Variants in CDH20 observed in about 807,000 individuals in gnomAD.
CDH20 encodes the protein cadherin-20.
In CDH20, 29 loss-of-function variants were observed where a neutral mutation model predicts 74.2. The observed-to-expected ratio is 0.39, with a 90% CI of 0.29 to 0.53. The LOEUF (loss-of-function observed/expected upper bound fraction) is 0.53, where lower values mean the gene tolerates loss of function less well. CDH20 is among the 20% of genes least tolerant of loss of function. The pLI is 0.69. For missense variants in CDH20, 988 were observed against 1,048.3 expected, an observed-to-expected ratio of 0.94 and a Z score of 0.79; for synonymous variants, 469 against 405.4, an observed-to-expected ratio of 1.16 and a Z score of -1.88.
At chr18:61,385,597 TAC>T (rs74937230) in intron 1 of CDH20, among the ~76,000 whole-genome samples, 35,491 of 151,612 alleles carry the variant, frequency 0.23, 4,884 homozygotes, top group East Asian at 0.56. Context: ...AAAAAAACCT[TAC>T]CATAGTTATG....
At chr18:61,345,154 A>T (rs1372199797) in intron 1 of CDH20, among the ~76,000 whole-genome samples, 1 of 152,216 alleles carries the variant, frequency 6.6e-6, no homozygotes, top group Non-Finnish European at 1.5e-5. Context: ...TATTGAGCAA[A>T]AGATTTAAAA....
intron 1 of CDH20, among the ~76,000 whole-genome samples, chr18:61,458,042 C>G (rs558951851): frequency 6.8e-4 from 104 of 152,246 alleles, no homozygotes; most frequent in African/African-American, 2.1e-3. Context: ...ACAAACATGA[C>G]TGTCTTTCTG....
At chr18:61,511,078 T>C in intron 6 of CDH20, among the ~76,000 whole-genome samples, 1 of 107,888 alleles carries the variant, frequency 9.3e-6, no homozygotes, top group Admixed American at 1.3e-4. Flanking sequence ...CCTTGACCTC[T>C]TGGGCTCAAG....
At chr18:61,368,118 G>C (rs983441269) in intron 1 of CDH20, among the ~76,000 whole-genome samples, 3 of 152,022 alleles carry the variant, frequency 2.0e-5, no homozygotes, top group African/African-American at 7.2e-5. Context: ...CCCATAACAG[G>C]ACCCTTGTGA....
At chr18:61,467,290 C>T (rs1275518427) in intron 1 of CDH20, among the ~76,000 whole-genome samples, 1 of 152,102 alleles carries the variant, frequency 6.6e-6, no homozygotes, top group Non-Finnish European at 1.5e-5. Context: ...GCTTGTGAGG[C>T]CTAATTTGCC....
At chr18:61,442,958 A>AT (rs1909080799) in intron 1 of CDH20, among the ~76,000 whole-genome samples, 1 of 151,944 alleles carries the variant, frequency 6.6e-6, no homozygotes. Flanking sequence ...CTTACTAGTG[A>AT]TTTTGCTGTG....
intron 1 of CDH20, among the ~76,000 whole-genome samples, chr18:61,356,282 T>C (rs1910493880): frequency 6.6e-6 from 1 of 152,244 alleles, no homozygotes; most frequent in South Asian, 2.1e-4. Context: ...TTCTACCTTT[T>C]GTACTTTTAA....
chr18:61,493,387 A>AG (rs937943000), intron 2 of CDH20, among the ~76,000 whole-genome samples: 1 of 152,098 alleles, frequency 6.6e-6, no homozygotes, highest in African/African-American at 2.4e-5. Context: ...CTCTCCCTGA[A>AG]GCACCCTTTC....
At chr18:61,549,392 A>C (rs1376851757) in intron 10 of CDH20, among the ~76,000 whole-genome samples, 3 of 152,246 alleles carry the variant, frequency 2.0e-5, no homozygotes, top group Admixed American at 6.5e-5. Context: ...GTGTCATATG[A>C]TTAGGGGATT....
intron 1 of CDH20, among the ~76,000 whole-genome samples, chr18:61,397,715 C>G (rs966289250): frequency 1.3e-5 from 2 of 152,168 alleles, no homozygotes; most frequent in African/African-American, 4.8e-5. Flanking sequence ...GGGTTCTAAT[C>G]TCAGCTCTGC....
chr18:61,550,997 A>C (rs779622650), intron 11 of CDH20, among the ~76,000 whole-genome samples: 1 of 152,204 alleles, frequency 6.6e-6, no homozygotes, highest in Non-Finnish European at 1.5e-5. Context: ...AACAGTGACT[A>C]AACAGGGTCA....
chr18:61,555,403 C>T lies in CDH20; in HGVS notation c.*708C>T, dbSNP rs1362403032. Reference sequence around the variant, plus strand: ...TCAAGTTAGAGTGCTCGTGTCTCCTCTCAGCTATTTAACTGTGCCCCTGCA... The same window carrying T: ...TCAAGTTAGAGTGCTCGTGTCTCCTTTCAGCTATTTAACTGTGCCCCTGCA... On this transcript the variant is annotated 3_prime_UTR_variant, in exon 12 of 12. Coordinates refer to ENST00000262717, the MANE Select transcript of CDH20 (RefSeq NM_031891.4). The T allele has an allele frequency of 3.0e-6, 3 of 985,344 alleles. No homozygotes were observed. 61.0% of individuals were successfully genotyped at this position (985,344 alleles called of 1,614,324 possible). A position where few individuals can be genotyped will look rare whatever the true frequency, so the allele number is the denominator to read the frequency against.
At chr18:61,382,941 G>A (rs745365635) in intron 1 of CDH20, among the ~76,000 whole-genome samples, 120 of 152,196 alleles carry the variant, frequency 7.9e-4, no homozygotes, top group Middle Eastern at 3.4e-3. Flanking sequence ...TGGCAGCATG[G>A]GTTTGAATCT....
chr18:61,398,637 C>A (rs1912063251), intron 1 of CDH20, among the ~76,000 whole-genome samples: 1 of 152,100 alleles, frequency 6.6e-6, no homozygotes, highest in Admixed American at 6.5e-5. Context: ...AAGATGGTCT[C>A]CCCTATCTAC....
At position 61,507,494 on chromosome 18, in the gene CDH20, T is replaced by C. The variant is rs1170742157; in HGVS notation, c.951T>C (p.Asp317=). 5.0e-6 allele frequency: 8 copies of C among 1,613,976 alleles called. No homozygotes were observed. The highest frequency in any genetic ancestry group is 2.7e-5 in the African/African-American group (2 of 74,930). ...TGAAATATACTATTGTGGATGGAGA[T>C]GGTGCAGATGCCTTTGACATTAGCA... ...AEMKYTIVDG[D]GADAFDISTD... The change falls in exon 6 of 12, where the codon GAT becomes GAC. Residue 317 remains aspartate, a synonymous_variant. Coordinates refer to ENST00000262717, the MANE Select transcript of CDH20 (RefSeq NM_031891.4).
Position 61,529,185 on chromosome 18 carries a change from G to A in CDH20, c.1271+965G>A, listed in dbSNP as rs141246294. 9.8e-5 allele frequency among the ~76,000 whole-genome samples: 15 copies of A among 152,288 alleles called. No homozygotes were observed. In the East Asian group the frequency reaches 2.1e-3, roughly 22 times the overall value. On this transcript the variant is annotated intron_variant, in intron 7 of 11. Coordinates refer to ENST00000262717, the MANE Select transcript of CDH20 (RefSeq NM_031891.4). ...AAAAGATCAGAATTCCAAGGATGTCGGAAGCCATCTGTCACATTAATTGTT... is the reference window on the plus strand; with the variant it reads ...AAAAGATCAGAATTCCAAGGATGTCAGAAGCCATCTGTCACATTAATTGTT...
At chr18:61,523,794 C>T (rs1046714152) in intron 6 of CDH20, among the ~76,000 whole-genome samples, 2 of 152,012 alleles carry the variant, frequency 1.3e-5, no homozygotes, top group Non-Finnish European at 2.9e-5. Flanking sequence ...CCACCATTCT[C>T]AGCAAGCTAA....
chr18:61,472,687 CCAAA>C (rs1306085034), intron 1 of CDH20, among the ~76,000 whole-genome samples: 1 of 152,108 alleles, frequency 6.6e-6, no homozygotes, highest in African/African-American at 2.4e-5. Flanking sequence ...CCTGTGGGAG[CCAAA>C]CAAAGTGATC....
chr18:61,480,932 C>T (rs1364226805), intron 1 of CDH20, among the ~76,000 whole-genome samples: 4 of 152,294 alleles, frequency 2.6e-5, no homozygotes, highest in Non-Finnish European at 2.9e-5. Context: ...TTATCTCTGC[C>T]TCTTAATATG....
Sources: gnomAD v4.1 joint callset for allele counts (sites outside exome capture counted in the v4.1 genomes callset) on GRCh38, gnomAD v4.1.1 for gene constraint, MANE v1.5 for transcripts, NCBI Gene and HGNC (gene_info 2026-07-23, HGNC 2026-07-21) for gene names.